Variants in ADAMTS12 observed in about 807,000 individuals in gnomAD.
The protein encoded by ADAMTS12 is A disintegrin and metalloproteinase with thrombospondin motifs 12.
ADAMTS12 carries 118 observed loss-of-function variants against 167.8 expected under a neutral mutation model. That is an observed-to-expected ratio of 0.70 (90% confidence interval 0.61 to 0.82). ADAMTS12 has a LOEUF of 0.82. ADAMTS12 is among the 40% of genes least tolerant of loss of function. ADAMTS12 has a pLI of 0.00. For missense variants in ADAMTS12, 1,916 were observed against 1,998.8 expected (o/e 0.96, Z 0.79); for synonymous variants, 704 against 716.9 (o/e 0.98, Z 0.29).
chr5:33,676,683 T>TAC (rs141431526), intron 5 of ADAMTS12, among the ~76,000 whole-genome samples: 8,972 of 136,226 alleles, frequency 0.066, 331 homozygotes, highest in Middle Eastern at 0.1. Context: ...CTGTCTATCT[T>TAC]ACACACACAC....
In ADAMTS12 at chr5:33,722,032, G is replaced by A. The variant is rs180872172; in HGVS notation, c.634+29372C>T. 1.2e-3 allele frequency among the ~76,000 whole-genome samples: 187 copies of A among 152,170 alleles called. 7 individuals carry two copies. The highest frequency in any genetic ancestry group is 2.9e-5 in the Non-Finnish European group (2 of 68,004). The stretch of plus-strand genomic sequence containing the variant: ...TTGACAAGGCTTCTTCCTTATTCTG[G>A]CTTCAGTCAACTTTCCTTTATAACT... On this transcript the variant is annotated intron_variant, in intron 3 of 23. Transcript: ENST00000504830.
At chr5:33,878,001 C>T (rs759034978) in intron 2 of ADAMTS12, among the ~76,000 whole-genome samples, 12 of 152,140 alleles carry the variant, frequency 7.9e-5, no homozygotes, top group Non-Finnish European at 1.3e-4. Context: ...CTACTTCTGC[C>T]CCTAAAAGTG....
chr5:33,862,014 G>A (rs1449919992), intron 2 of ADAMTS12, among the ~76,000 whole-genome samples: 29 of 152,154 alleles, frequency 1.9e-4, no homozygotes, highest in Admixed American at 1.9e-3. Flanking sequence ...GAATCTCTGG[G>A]ACACAGCTAA....
intron 22 of ADAMTS12, among the ~76,000 whole-genome samples, chr5:33,538,248 G>A (rs1349815988): frequency 2.0e-5 from 3 of 152,224 alleles, no homozygotes; most frequent in African/African-American, 4.8e-5. Context: ...AGGTGAGGGA[G>A]AGTGGGGAGT....
chr5:33,575,319 A>T (rs1395147448), intron 19 of ADAMTS12, among the ~76,000 whole-genome samples: 1 of 152,208 alleles, frequency 6.6e-6, no homozygotes, highest in African/African-American at 2.4e-5. Flanking sequence ...TAGGTTTTTG[A>T]GAAATGTGAA....
intron 3 of ADAMTS12, among the ~76,000 whole-genome samples, chr5:33,733,275 T>A (rs892401518): frequency 1.3e-5 from 2 of 152,184 alleles, no homozygotes; most frequent in Non-Finnish European, 2.9e-5. Context: ...AGATTAAAAC[T>A]GTTAAATGAA....
chr5:33,672,324 A>G (rs776383327), intron 5 of ADAMTS12, among the ~76,000 whole-genome samples: 1 of 151,150 alleles, frequency 6.6e-6, no homozygotes, highest in Admixed American at 6.6e-5. Context: ...ACAGATCCAC[A>G]TACACACACA....
At position 33,824,060 on chromosome 5, in the gene ADAMTS12, TAA is replaced by T. The variant is rs1251583447; in HGVS notation, c.489+57057_489+57058del. ...GAAAAAGAAAAAAGTTTTAAATTGT[TAA>T]AGAGTCCCAAGCATATCATGGTCAT... On this transcript the variant is annotated intron_variant, in intron 2 of 23. Transcript: ENST00000504830. Among the ~76,000 whole-genome samples the T allele has an allele frequency of 1.4e-4, 22 of 152,314 alleles. No individual in the cohort carries two copies. In the South Asian group the frequency reaches 3.9e-3, roughly 27 times the overall value.
intron 3 of ADAMTS12, among the ~76,000 whole-genome samples, chr5:33,725,935 C>G (rs758376634): frequency 9.2e-5 from 14 of 152,178 alleles, no homozygotes; most frequent in Non-Finnish European, 1.5e-4. Flanking sequence ...TGCACACTCT[C>G]GTGCGAGAAT....
At chr5:33,771,715 A>G (rs1363358752) in intron 2 of ADAMTS12, among the ~76,000 whole-genome samples, 1 of 143,342 alleles carries the variant, frequency 7.0e-6, no homozygotes, top group Non-Finnish European at 1.5e-5. Flanking sequence ...TACATTTTAT[A>G]TATTGTATAT....
At chr5:33,778,861 C>T (rs1266711631) in intron 2 of ADAMTS12, among the ~76,000 whole-genome samples, 1 of 151,786 alleles carries the variant, frequency 6.6e-6, no homozygotes, top group African/African-American at 2.4e-5. Context: ...GGCAAAGAAC[C>T]TAAATATATA....
intron 2 of ADAMTS12, among the ~76,000 whole-genome samples, chr5:33,791,897 T>C (rs1055737047): frequency 2.0e-5 from 3 of 152,032 alleles, no homozygotes; most frequent in South Asian, 4.1e-4. Flanking sequence ...TTAGGCTGCA[T>C]TGACCCTAGT....
rs775100937 is a variant in ADAMTS12 at position 33,683,928 on chromosome 5, G to A, written c.762C>T (p.Ala254=). The change falls in exon 4 of 24, where the codon GCC becomes GCT. Residue 254 remains alanine, a synonymous_variant. Coordinates refer to ENST00000504830, the MANE Select transcript of ADAMTS12 (RefSeq NM_030955.4). ...CATGGTATTCAATCATCTTTGTGTC[G>A]GCCACCACCAGTGTCTCCACCCATC... The part of the protein sequence containing the change: ...KERWVETLVV[A]DTKMIEYHGS... The A allele has an allele frequency of 1.1e-5, 17 of 1,607,596 alleles. No individual in the cohort carries two copies. In the East Asian group the frequency reaches 1.1e-4, roughly 11 times the overall value.
intron 18 of ADAMTS12, among the ~76,000 whole-genome samples, chr5:33,583,030 A>G (rs1000320505): frequency 3.3e-5 from 5 of 152,178 alleles, no homozygotes; most frequent in Non-Finnish European, 1.5e-5. Context: ...ATGTGTAATT[A>G]AGTTATTATT....
In ADAMTS12 at chr5:33,619,159, T is replaced by C. The variant is rs55753432; in HGVS notation, c.2144-3087A>G. Among the ~76,000 whole-genome samples the C allele has an allele frequency of 5.2e-3, 796 of 152,324 alleles. 7 individuals are homozygous for C. Among genetic ancestry groups the C allele is most frequent in the African/African-American group, 0.018 (766 of 41,572 alleles). On this transcript the variant is annotated intron_variant, in intron 14 of 23. Transcript: ENST00000504830. ...ACTGGCAAGGTACTTCCTGACTTTA[T>C]GGACAAAGCATCAATGCATCCAATT...
At chr5:33,816,060 C>G (rs1453463908) in intron 2 of ADAMTS12, among the ~76,000 whole-genome samples, 1 of 152,170 alleles carries the variant, frequency 6.6e-6, no homozygotes, top group African/African-American at 2.4e-5. Flanking sequence ...GCCATAGTGA[C>G]TAGGAGCAAG....
intron 5 of ADAMTS12, 130 bp from the exon 6 acceptor site, chr5:33,662,170 T>C: frequency 6.5e-6 from 8 of 1,231,760 alleles, no homozygotes; most frequent in Non-Finnish European, 9.0e-6. Flanking sequence ...CATTTGGCAG[T>C]CATGTGGCAG....
At chr5:33,630,471 G>A (rs1057009435) in intron 13 of ADAMTS12, among the ~76,000 whole-genome samples, 45 of 152,136 alleles carry the variant, frequency 3.0e-4, no homozygotes, top group African/African-American at 9.2e-4. Context: ...CAAATTTAAT[G>A]CCACTGAAAT....
chr5:33,798,787 T>C (rs931263354), intron 2 of ADAMTS12, among the ~76,000 whole-genome samples: 10 of 152,194 alleles, frequency 6.6e-5, no homozygotes, highest in Non-Finnish European at 1.5e-4. Context: ...CTCACTCTTA[T>C]GATCTCTTTA....
Sources: allele counts gnomAD v4.1 joint callset (sites outside exome capture counted in the v4.1 genomes callset), GRCh38; gene constraint gnomAD v4.1.1; transcripts MANE v1.5; gene names NCBI Gene and HGNC (gene_info 2026-07-23, HGNC 2026-07-21).